EFCAB13: variants seen among roughly 807,000 people sequenced by gnomAD.
The protein encoded by EFCAB13 is EF-hand calcium-binding domain-containing protein 13.
A neutral mutation model predicts 110.2 loss-of-function variants in EFCAB13; 91 were observed. The observed-to-expected ratio is 0.83, with a 90% CI of 0.70 to 0.98. EFCAB13 has a LOEUF of 0.98. Among genes scored for constraint, EFCAB13 ranks in the 50% least tolerant of loss-of-function variants. EFCAB13 has a pLI of 0.00. For missense variants in EFCAB13, 968 were observed against 1,119.4 expected (o/e 0.86, Z 1.93); for synonymous variants, 323 against 369.9 (o/e 0.87, Z 1.45).
At chr17:47,334,255 G>T (rs2065336538) in intron 4 of EFCAB13, among the ~76,000 whole-genome samples, 1 of 151,788 alleles carries the variant, frequency 6.6e-6, no homozygotes, top group South Asian at 2.1e-4. Context: ...ATGTTTCTGT[G>T]TATCTTCTTT....
At chr17:47,437,858 T>C (rs1023543816) in intron 24 of EFCAB13, among the ~76,000 whole-genome samples, 4 of 152,184 alleles carry the variant, frequency 2.6e-5, no homozygotes, top group African/African-American at 9.7e-5. Context: ...TTTTAACTTG[T>C]ATTTTTGTTT....
intron 9 of EFCAB13, among the ~76,000 whole-genome samples, chr17:47,358,747 A>G (rs2065494220): frequency 2.0e-5 from 3 of 152,098 alleles, no homozygotes; most frequent in South Asian, 4.1e-4. Context: ...TCAATAGTAC[A>G]CACATACATT....
At chr17:47,377,722 A>G (rs369959783) in intron 12 of EFCAB13, 44 bp from the exon 13 acceptor site, 20 of 1,489,154 alleles carry the variant, frequency 1.3e-5, no homozygotes, top group African/African-American at 1.3e-4. Context: ...CTTTTGACAC[A>G]TAAATTCTGT....
intron 16 of EFCAB13, 120 bp downstream of exon 16, chr17:47,394,219 A>C: frequency 1.8e-6 from 1 of 561,522 alleles, no homozygotes; most frequent in East Asian, 3.2e-5. Flanking sequence ...TCATCCGACA[A>C]ATAAATGCCT....
chr17:47,383,453 G>A (rs2065658044), intron 14 of EFCAB13, among the ~76,000 whole-genome samples: 1 of 152,168 alleles, frequency 6.6e-6, no homozygotes, highest in South Asian at 2.1e-4. Context: ...TGCTTTAGCT[G>A]CATCCCAGAG....
In EFCAB13 at chr17:47,395,778, C is replaced by G. The variant is rs183615111; in HGVS notation, c.1802-56C>G. The G allele has an allele frequency of 2.2e-3, 3,218 of 1,445,628 alleles. 7 individuals are homozygous for G. The highest frequency in any genetic ancestry group is 2.7e-3 in the Non-Finnish European group (2,894 of 1,079,852). The allele number at this position is 1,445,628 out of a possible 1,614,324, so 89.6% of individuals were successfully genotyped here. ...TTTGTCTATTCCAGATGACAGTTTA[C>G]TGTATTAACTTCTTGCATAAGCATT... On this transcript the variant is annotated intron_variant, in intron 16 of 24. Coordinates refer to ENST00000331493, the MANE Select transcript of EFCAB13 (RefSeq NM_152347.5).
chr17:47,377,443 G>A (rs1478423158), intron 12 of EFCAB13, among the ~76,000 whole-genome samples: 2 of 152,144 alleles, frequency 1.3e-5, no homozygotes, highest in African/African-American at 4.8e-5. Flanking sequence ...ATTATAGGCA[G>A]GAGCCACCAT....
Position 47,377,775 on chromosome 17 carries a change from G to A in EFCAB13, c.1382G>A (p.Cys461Tyr), listed in dbSNP as rs1204713980. 1 of 1,577,348 alleles carries A rather than the reference G, an allele frequency of 6.3e-7. No homozygotes were observed. The highest frequency in any genetic ancestry group is 8.6e-7 in the Non-Finnish European group (1 of 1,168,518). The change falls in exon 13 of 25, where the codon TGT becomes TAT. Residue 461 changes from cysteine (C) to tyrosine (Y), a missense_variant. Cys to Tyr is a radical substitution (Grantham distance 194, BLOSUM62 -2). Transcript: ENST00000331493. Reference protein sequence around the residue: ...KTAISTLENFCEAISKLQENY... With the variant: ...KTAISTLENFYEAISKLQENY... Reference sequence around the variant, plus strand: ...CATTTTGTGTATTTAGAAAACTTCTGTGAAGCTATCAGTAAACTTCAAGAA... The same window carrying A: ...CATTTTGTGTATTTAGAAAACTTCTATGAAGCTATCAGTAAACTTCAAGAA...
At chr17:47,386,584 T>A (rs2065677386) in intron 14 of EFCAB13, among the ~76,000 whole-genome samples, 1 of 151,914 alleles carries the variant, frequency 6.6e-6, no homozygotes, top group African/African-American at 2.4e-5. Context: ...TGGGAGTGGG[T>A]CCCGCTGAGC....
chr17:47,404,187 GTC>G (rs1197574119), intron 19 of EFCAB13, among the ~76,000 whole-genome samples, 166 bp downstream of exon 19: 1 of 152,118 alleles, frequency 6.6e-6, no homozygotes, highest in Non-Finnish European at 1.5e-5. Flanking sequence ...ATACAAGCGG[GTC>G]TAGATTTTGT....
intron 3 of EFCAB13, among the ~76,000 whole-genome samples, chr17:47,326,842 T>C (rs1395098479): frequency 6.6e-6 from 1 of 152,194 alleles, no homozygotes; most frequent in Non-Finnish European, 1.5e-5. Context: ...ATTCCAGGAA[T>C]GTTGGACATA....
intron 9 of EFCAB13, among the ~76,000 whole-genome samples, chr17:47,360,288 T>C (rs2065505484): frequency 6.6e-6 from 1 of 152,106 alleles, no homozygotes; most frequent in Non-Finnish European, 1.5e-5. Context: ...CCAGCACCTG[T>C]TGTTTCCTGA....
intron 23 of EFCAB13, among the ~76,000 whole-genome samples, chr17:47,418,528 G>T (rs1567804776): frequency 1.3e-5 from 2 of 152,048 alleles, no homozygotes; most frequent in Non-Finnish European, 2.9e-5. Flanking sequence ...TTCACATTTT[G>T]TTAGTTGTCT....
Position 47,345,019 on chromosome 17 carries a change from A to G in EFCAB13, c.438A>G (p.Glu146=). 8.7e-6 allele frequency: 14 copies of G among 1,601,306 alleles called. No individual in the cohort carries two copies. Among genetic ancestry groups the G allele is most frequent in the Non-Finnish European group, 1.2e-5 (14 of 1,174,688 alleles). Reference sequence around the variant, plus strand: ...AATATGGCTGTTTCTTTGACAGGGAAAAGGAAATGCTGTCTAACCTCTACA... The same window carrying G: ...AATATGGCTGTTTCTTTGACAGGGAGAAGGAAATGCTGTCTAACCTCTACA... ...PLCTSSAITR[E]KEMLSNLYMT... Residue 146 remains glutamate, a synonymous_variant, in exon 8 of 25, where the codon GAA becomes GAG. Transcript: ENST00000331493.
chr17:47,390,453 CCTT>C (rs2065700667), intron 14 of EFCAB13, among the ~76,000 whole-genome samples: 1 of 152,054 alleles, frequency 6.6e-6, no homozygotes, highest in Non-Finnish European at 1.5e-5. Context: ...AGTTAGCCAA[CCTT>C]CTTAAGAGTT....
Position 47,424,446 on chromosome 17 carries a change from G to A in EFCAB13, c.2495-5372G>A, listed in dbSNP as rs184158651. 1.7e-3 allele frequency among the ~76,000 whole-genome samples: 262 copies of A among 152,324 alleles called. 2 individuals are homozygous for A. Among genetic ancestry groups the A allele is most frequent in the African/African-American group, 5.7e-3 (237 of 41,570 alleles). ...GGAGAACTCACTTCAGCAGAATAAT[G>A]ATGATGAAAACAAAATAGCAGAGGA... is the stretch of plus-strand genomic sequence containing the variant. On this transcript the variant is annotated intron_variant, in intron 23 of 24. Transcript: ENST00000331493.
intron 14 of EFCAB13, among the ~76,000 whole-genome samples, chr17:47,379,513 CA>C (rs1248179636): frequency 6.0e-5 from 9 of 150,442 alleles, no homozygotes; most frequent in African/African-American, 2.2e-4. Context: ...ATGCGGAGAT[CA>C]AATAGGTAAT....
chr17:47,356,053 GT>G (rs935482083), intron 9 of EFCAB13, among the ~76,000 whole-genome samples: 1 of 149,838 alleles, frequency 6.7e-6, no homozygotes, highest in Non-Finnish European at 1.5e-5. Flanking sequence ...AGTTATGATT[GT>G]TTTTTATTTA....
chr17:47,402,092 C>T (rs376438902), intron 17 of EFCAB13, 40 bp from the exon 18 acceptor site: 8 of 1,544,544 alleles, frequency 5.2e-6, no homozygotes, highest in East Asian at 4.5e-5. Context: ...CTGACTTTTG[C>T]GTAATGAGGT....
Sources: gnomAD v4.1 joint callset for allele counts (sites outside exome capture counted in the v4.1 genomes callset) on GRCh38, gnomAD v4.1.1 for gene constraint, MANE v1.5 for transcripts, NCBI Gene and HGNC (gene_info 2026-07-23, HGNC 2026-07-21) for gene names.